Variants in PRKN observed in about 807,000 individuals in gnomAD.
PRKN encodes parkin RBR E3 ubiquitin protein ligase, also known as E3 ubiquitin-protein ligase parkin.
In PRKN, 56 loss-of-function variants were observed where a neutral mutation model predicts 59.5. That is an observed-to-expected ratio of 0.94 (90% CI 0.76 to 1.18). The LOEUF is 1.18. Ranked by LOEUF, PRKN falls within the 50% of genes most tolerant of loss-of-function variation. The pLI is 0.00. For missense variants in PRKN, 657 were observed against 596.4 expected (o/e 1.10, Z -1.06); for synonymous variants, 250 against 222.1 (o/e 1.13, Z -1.12).
At chr6:162,584,900 TCC>T (rs559227294) in intron 1 of PRKN, among the ~76,000 whole-genome samples, 4 of 65,858 alleles carry the variant, frequency 6.1e-5, no homozygotes, top group Admixed American at 1.6e-4. Context: ...CCCTCCCCTC[TCC>T]TCTTCTCTTT....
intron 1 of PRKN, among the ~76,000 whole-genome samples, chr6:162,449,839 A>G (rs142529846): frequency 3.0e-3 from 456 of 152,314 alleles, no homozygotes; most frequent in South Asian, 9.5e-3. Flanking sequence ...TCACTAAAGA[A>G]AGCAGATTCT....
Position 161,484,638 on chromosome 6 carries a change from C to G in PRKN, c.1083+64216G>C, listed in dbSNP as rs1317997002. Among the ~76,000 whole-genome samples the G allele has an allele frequency of 1.3e-5, 2 of 152,244 alleles. No homozygotes were observed. The highest frequency in any genetic ancestry group is 1.9e-4 in the East Asian group (1 of 5,172). ...CGCAGGGAGTCTGACTCAGGGTGTT[C>G]AATCTCAGCACTACTGAAGTTTGAG... On this transcript the variant is annotated intron_variant, in intron 9 of 11. Coordinates refer to ENST00000366898, the MANE Select transcript of PRKN (RefSeq NM_004562.3). The surrounding 1 kb of genome is among the most constrained non-coding windows in gnomAD (Gnocchi z 4.9).
chr6:162,691,053 T>C (rs930232469), intron 1 of PRKN, among the ~76,000 whole-genome samples: 1 of 152,146 alleles, frequency 6.6e-6, no homozygotes, highest in Non-Finnish European at 1.5e-5. Flanking sequence ...TGTTTCCCAT[T>C]CATCTTTTTC....
At chr6:162,713,726 T>A (rs923456087) in intron 1 of PRKN, among the ~76,000 whole-genome samples, 1 of 152,076 alleles carries the variant, frequency 6.6e-6, no homozygotes, top group African/African-American at 2.4e-5. Context: ...GTCTGTTAGC[T>A]ATACTTATAC....
intron 6 of PRKN, among the ~76,000 whole-genome samples, chr6:161,960,424 A>T (rs1780338748): frequency 6.6e-6 from 1 of 152,244 alleles, no homozygotes; most frequent in Non-Finnish European, 1.5e-5. Context: ...GGGAAGGCAG[A>T]AGCAGAAACT....
intron 7 of PRKN, among the ~76,000 whole-genome samples, chr6:161,712,673 ACT>A (rs982113268): frequency 1.3e-5 from 2 of 152,184 alleles, no homozygotes; most frequent in South Asian, 2.1e-4. Flanking sequence ...GATGAACTCT[ACT>A]CTCTTTTTCA....
chr6:162,137,925 T>C (rs1375302697), intron 4 of PRKN, among the ~76,000 whole-genome samples: 1 of 152,008 alleles, frequency 6.6e-6, no homozygotes, highest in Non-Finnish European at 1.5e-5. Flanking sequence ...ATACATATGA[T>C]TGGACTGAGG....
intron 6 of PRKN, among the ~76,000 whole-genome samples, chr6:161,885,838 C>A (rs1329022753): frequency 1.3e-5 from 2 of 152,154 alleles, no homozygotes; most frequent in Non-Finnish European, 2.9e-5. Flanking sequence ...CAGGTGGACA[C>A]TGGCTCCATC....
chr6:161,569,554 T>C, intron 7 of PRKN, 138 bp from the exon 8 acceptor site: 4 of 755,424 alleles, frequency 5.3e-6, no homozygotes, highest in South Asian at 4.4e-5. Flanking sequence ...AACACACATC[T>C]AACCAACCAC....
chr6:162,455,885 G>A (rs1790848249), intron 1 of PRKN, among the ~76,000 whole-genome samples: 1 of 151,834 alleles, frequency 6.6e-6, no homozygotes, highest in Non-Finnish European at 1.5e-5. Flanking sequence ...ACCTCTAAAT[G>A]ATAGAATGGC....
intron 1 of PRKN, 85 bp downstream of exon 1, chr6:162,727,577 G>T (rs540154030): frequency 5.0e-6 from 7 of 1,398,024 alleles, no homozygotes; most frequent in Non-Finnish European, 6.9e-6. Flanking sequence ...GGCACCGGGG[G>T]TCCTGGTCGG....
Position 161,409,622 on chromosome 6 carries a change from G to A in PRKN, c.1084-22745C>T, listed in dbSNP as rs1292446088. On this transcript the variant is annotated intron_variant, in intron 9 of 11. Transcript: ENST00000366898. The surrounding 1 kb of genome is among the most constrained non-coding windows in gnomAD (Gnocchi z 4.6). ...CACATAAGGCCGTCACTATAAAAAT[G>A]AAAGCAAGCCCAACCTTGGTGTGAT... Among the ~76,000 whole-genome samples, 1 of 152,194 alleles carries A rather than the reference G, an allele frequency of 6.6e-6. No homozygotes were observed. The highest frequency in any genetic ancestry group is 1.5e-5 in the Non-Finnish European group (1 of 68,044).
chr6:162,078,210 C>T (rs899587968), intron 4 of PRKN, among the ~76,000 whole-genome samples: 3 of 151,720 alleles, frequency 2.0e-5, no homozygotes, highest in Non-Finnish European at 2.9e-5. Flanking sequence ...AGAAATTCAA[C>T]GTTCTCTCAT....
At position 161,509,226 on chromosome 6, in the gene PRKN, G is replaced by A. The variant is rs74770859; in HGVS notation, c.1083+39628C>T. Among the ~76,000 whole-genome samples, 444 of 151,206 alleles carry A rather than the reference G, an allele frequency of 2.9e-3. 10 individuals carry two copies. Among genetic ancestry groups the A allele is most frequent in the East Asian group, 0.026 (133 of 5,146 alleles). On this transcript the variant is annotated intron_variant, in intron 9 of 11. Transcript: ENST00000366898. ...TTTTTTTTTTTTTTAAATTAGAAGA[G>A]CACCAGAAAACTTTTTCACCTCCTG...
chr6:161,730,408 T>C (rs1395377327), intron 7 of PRKN, among the ~76,000 whole-genome samples: 1 of 151,274 alleles, frequency 6.6e-6, no homozygotes, highest in East Asian at 1.9e-4. Context: ...TCTGACGTGC[T>C]GCATTCTTTC....
intron 7 of PRKN, among the ~76,000 whole-genome samples, chr6:161,636,867 G>A (rs1414049532): frequency 6.6e-6 from 1 of 152,150 alleles, no homozygotes; most frequent in Admixed American, 6.5e-5. Context: ...AGGGATGACC[G>A]GCCGCACGTC....
At chr6:161,608,777 T>C (rs1015059919) in intron 7 of PRKN, among the ~76,000 whole-genome samples, 1 of 152,000 alleles carries the variant, frequency 6.6e-6, no homozygotes, top group South Asian at 2.1e-4. Flanking sequence ...TGACCTCAAG[T>C]GATCCACCCG....
chr6:162,572,346 T>C (rs34344906), intron 1 of PRKN, among the ~76,000 whole-genome samples: 15,337 of 152,272 alleles, frequency 0.1, 926 homozygotes, highest in Middle Eastern at 0.19. Context: ...AAAAAGAATT[T>C]ATGGCTACAG....
chr6:162,506,977 G>A (rs1008420687), intron 1 of PRKN, among the ~76,000 whole-genome samples: 11 of 152,106 alleles, frequency 7.2e-5, no homozygotes, highest in African/African-American at 2.2e-4. Flanking sequence ...TAATGAGTGA[G>A]CATAGTTATT....
Sources: allele counts gnomAD v4.1 joint callset (sites outside exome capture counted in the v4.1 genomes callset), GRCh38; gene constraint gnomAD v4.1.1; non-coding constraint Gnocchi (gnomAD v3.1); transcripts MANE v1.5; gene names NCBI Gene and HGNC (gene_info 2026-07-23, HGNC 2026-07-21).